SLC17A7: variants seen among roughly 807,000 people sequenced by gnomAD.
The protein encoded by SLC17A7 is vesicular glutamate transporter 1.
Under a neutral mutation model 59.1 loss-of-function variants are expected in SLC17A7, and 15 were observed. The ratio of observed to expected loss-of-function variants is 0.25; its 90% CI spans 0.17 to 0.39. SLC17A7 has a LOEUF of 0.39. SLC17A7 is among the 10% of genes least tolerant of loss of function. The probability of loss-of-function intolerance (pLI) is 1.00; values close to 1 mark genes in which losing one functional copy is unlikely to be tolerated. For missense variants in SLC17A7, 499 were observed against 765.1 expected (o/e 0.65, Z 4.10); for synonymous variants, 353 against 308.9 (o/e 1.14, Z -1.50).
intron 1 of SLC17A7, chr19:49,437,404 G>A (rs1031844779): frequency 4.5e-5 from 7 of 155,968 alleles, no homozygotes; most frequent in Admixed American, 3.7e-4. Context: ...CCCTGGTAGG[G>A]GGATTGGCTC....
At position 49,435,251 on chromosome 19, in the gene SLC17A7, G is replaced by C. The variant is rs2078975735; in HGVS notation, c.351C>G (p.Gly117=). ...CCCAGAAAAAGGAGCCGTGTATGAG[G>C]CCGACAGTCTCTGGATCCCAGCTGA... ...AQFSWDPETV[G]LIHGSFFWGY... is the part of the protein sequence containing the mutation. Residue 117 remains glycine (G), a synonymous_variant, in exon 3 of 12, where the codon GGC becomes GGG. Coordinates refer to ENST00000221485, the MANE Select transcript of SLC17A7 (RefSeq NM_020309.4). 1 of 1,614,022 alleles carries C rather than the reference G, an allele frequency of 6.2e-7. No homozygotes were observed. The highest frequency in any genetic ancestry group is 2.2e-5 in the East Asian group (1 of 44,872).
At position 49,432,642 on chromosome 19, in the gene SLC17A7, C is replaced by T. The variant is rs1206352140; in HGVS notation, c.1027G>A (p.Val343Met). ...ATGACCAGGTGGGGCAGCGCGGACA[C>T]CAGGCCTACCTGCGGGAACAGGTGT... The part of the protein sequence containing the change: ...FGFEISKVGL[V>M]SALPHLVMTI... Residue 343 changes from valine to methionine, a missense_variant, in exon 9 of 12, where the codon GTG becomes ATG. Physicochemically the swap from Val to Met is conservative, Grantham distance 21 (BLOSUM62 1). Transcript: ENST00000221485. The T allele has an allele frequency of 3.7e-6, 6 of 1,607,330 alleles. No homozygotes were observed. The highest frequency in any genetic ancestry group is 5.1e-6 in the Non-Finnish European group (6 of 1,178,518).
At position 49,436,717 on chromosome 19, in the gene SLC17A7, C is replaced by T. The variant is rs767678777; in HGVS notation, c.147G>A (p.Pro49=). ...GRPVTTQTRD[P]PVVDCTCFGL... ...CGAAGCAGGTGCAGTCCACCACCGG[C>T]GGGTCCCGGGTCTGCGTGGTCACCG... The change falls in exon 2 of 12, where the codon CCG becomes CCA. Residue 49 remains proline (P), a synonymous_variant. Transcript: ENST00000221485. The surrounding 1 kb of genome is among the most constrained non-coding windows in gnomAD (Gnocchi z 4.1). The T allele has an allele frequency of 5.6e-6, 9 of 1,612,336 alleles. No individual in the cohort carries two copies. The highest frequency in any genetic ancestry group is 6.8e-6 in the Non-Finnish European group (8 of 1,179,964).
Position 49,431,471 on chromosome 19 carries a change from C to T in SLC17A7, c.1151-23G>A, listed in dbSNP as rs1046210088. 2.5e-6 allele frequency: 4 copies of T among 1,602,820 alleles called. No individual in the cohort carries two copies. Among genetic ancestry groups the T allele is most frequent in the Non-Finnish European group, 3.4e-6 (4 of 1,171,414 alleles). ...AGCCTACGGGGGCGGGGGGGGCCCG[C>T]GTCTCCTGAGTGTCGGCCGGAGCAA... On this transcript the variant is annotated intron_variant, in intron 9 of 11. Transcript: ENST00000221485. The surrounding 1 kb of genome is among the most constrained non-coding windows in gnomAD (Gnocchi z 4.6).
At chr19:49,441,220 G>C in intron 1 of SLC17A7, 98 bp downstream of exon 1, 5 of 1,534,658 alleles carry the variant, frequency 3.3e-6, no homozygotes, top group South Asian at 1.2e-5. Flanking sequence ...CCCCCATGCC[G>C]GGGTATCGCC....
At position 49,433,717 on chromosome 19, in the gene SLC17A7, G is replaced by T; in HGVS notation, c.867+9C>A. On this transcript the variant is annotated intron_variant, in intron 7 of 11. Transcript: ENST00000221485. This position sits in a 1 kb window ranked among gnomAD's most constrained non-coding sequence, Gnocchi z 5.7. The stretch of plus-strand genomic sequence containing the variant: ...TCCCCGCCCCTTCCCCGAAGATTTG[G>T]TCCCGGACCGTGAGGGGGTTCATGA... 6.2e-7 allele frequency: 1 copy of T among 1,614,114 alleles called. No homozygotes were observed.
At chr19:49,434,165 T>A in intron 5 of SLC17A7, 119 bp from the exon 6 acceptor site, 1 of 689,496 alleles carries the variant, frequency 1.5e-6, no homozygotes, top group Non-Finnish European at 2.5e-6. Context: ...CCTCCTCCCT[T>A]AGACCCAGGA....
chr19:49,440,932 A>G (rs1003070232), intron 1 of SLC17A7, among the ~76,000 whole-genome samples: 3 of 151,780 alleles, frequency 2.0e-5, no homozygotes, highest in Non-Finnish European at 4.4e-5. Flanking sequence ...ATCTAGGGAG[A>G]AGGAGGGGCC....
chr19:49,431,532 C>T lies in SLC17A7; in HGVS notation c.1151-84G>A. 8.6e-7 allele frequency: 1 copy of T among 1,167,668 alleles called. No homozygotes were observed. The allele number at this position is 1,167,668 out of a possible 1,614,324, so 72.3% of individuals were successfully genotyped here. ...GCCCCACACCGCCCTTCCAGACCTG[C>T]TCCAGCCCCAAACCGCGTCTATCCA... On this transcript the variant is annotated intron_variant, in intron 9 of 11. Coordinates refer to ENST00000221485, the MANE Select transcript of SLC17A7 (RefSeq NM_020309.4). This position sits in a 1 kb window ranked among gnomAD's most constrained non-coding sequence, Gnocchi z 4.6.
At position 49,434,621 on chromosome 19, in the gene SLC17A7, C is replaced by T. The variant is rs772405095; in HGVS notation, c.618G>A (p.Leu206=). Residue 206 remains leucine (L), a synonymous_variant, in exon 5 of 12, where the codon CTG becomes CTA. Transcript: ENST00000221485. ...TCTCACCACAAAAGGCTGTCGTCGC[C>T]AGGCGACTCCGTTCTAAGGGTGGGG... ...KWAPPLERSR[L]ATTAFCGSYA... 1.7e-5 allele frequency: 28 copies of T among 1,602,148 alleles called. No individual in the cohort carries two copies. Among genetic ancestry groups the T allele is most frequent in the Middle Eastern group, 1.7e-4 (1 of 6,020 alleles).
In SLC17A7 at chr19:49,441,399, G is replaced by A. The variant is rs1310689889; in HGVS notation, c.-20C>T. 6.6e-6 allele frequency: 10 copies of A among 1,518,910 alleles called. No homozygotes were observed. In the African/African-American group the frequency reaches 1.1e-4, roughly 17 times the overall value. The allele number at this position is 1,518,910 out of a possible 1,614,324, so 94.1% of individuals were successfully genotyped here. Reference sequence around the variant, plus strand: ...CTCCATGGTGGCGGCTCCTGCCGCCGGTCACCCCGCGGGTCCCCCCCGCCG... The same window carrying A: ...CTCCATGGTGGCGGCTCCTGCCGCCAGTCACCCCGCGGGTCCCCCCCGCCG... On this transcript the variant is annotated 5_prime_UTR_variant, in exon 1 of 12. Transcript: ENST00000221485.
rs530117437 is a variant in SLC17A7, at chr19:49,431,997, G to A, written c.1150+522C>T. ...TCTAGAAACAAAGTCTCGCTCTGTC[G>A]CCCAGGCTGGAGTGCTGCGGCGCGA... On this transcript the variant is annotated intron_variant, in intron 9 of 11. Coordinates refer to ENST00000221485, the MANE Select transcript of SLC17A7 (RefSeq NM_020309.4). This position sits in a 1 kb window ranked among gnomAD's most constrained non-coding sequence, Gnocchi z 4.6. Among the ~76,000 whole-genome samples, 18 of 152,048 alleles carry A rather than the reference G, an allele frequency of 1.2e-4. No individual in the cohort carries two copies. The highest frequency in any genetic ancestry group is 5.9e-4 in the Admixed American group (9 of 15,268).
chr19:49,431,190 G>C lies in SLC17A7; in HGVS notation c.1262-48C>G. The stretch of plus-strand genomic sequence containing the variant: ...GGCGTCACACCGGAATCTCACTCGA[G>C]TGATTCCCACTGGGACGTTCTCAAC... On this transcript the variant is annotated intron_variant, in intron 10 of 11. Transcript: ENST00000221485. This position sits in a 1 kb window ranked among gnomAD's most constrained non-coding sequence, Gnocchi z 4.6. 1.3e-6 allele frequency: 2 copies of C among 1,590,196 alleles called. No individual in the cohort carries two copies. The highest frequency in any genetic ancestry group is 1.7e-6 in the Non-Finnish European group (2 of 1,165,624).
At position 49,436,316 on chromosome 19, in the gene SLC17A7, C is replaced by T. The variant is rs548663628; in HGVS notation, c.315+233G>A. 1.8e-3 allele frequency: 1,070 copies of T among 581,084 alleles called. 13 individuals carry two copies. The highest frequency in any genetic ancestry group is 6.6e-3 in the South Asian group (284 of 42,980). The allele number at this position is 581,084 out of a possible 1,614,324, so 36.0% of individuals were successfully genotyped here. On this transcript the variant is annotated intron_variant, in intron 2 of 11. Coordinates refer to ENST00000221485, the MANE Select transcript of SLC17A7 (RefSeq NM_020309.4). This position sits in a 1 kb window ranked among gnomAD's most constrained non-coding sequence, Gnocchi z 4.1. Reference sequence around the variant, plus strand: ...GCGGACTCTACATTTTTCAATCAAGCCCCTGGAAATAAGGGCGGGACTTCA... The same window carrying T: ...GCGGACTCTACATTTTTCAATCAAGTCCCTGGAAATAAGGGCGGGACTTCA...
At chr19:49,430,911 G>A (rs1031411970) in intron 11 of SLC17A7, 99 bp from the exon 12 acceptor site, 1 of 1,551,548 alleles carries the variant, frequency 6.4e-7, no homozygotes, top group Admixed American at 1.8e-5. Flanking sequence ...ACCCAGGGAG[G>A]CTGAAAAGGC....
intron 1 of SLC17A7, among the ~76,000 whole-genome samples, 189 bp downstream of exon 1, chr19:49,441,129 G>A (rs1390178184): frequency 1.3e-5 from 2 of 152,074 alleles, no homozygotes; most frequent in African/African-American, 4.8e-5. Context: ...TGCAGAAAAA[G>A]GAACAGGATA....
intron 2 of SLC17A7, chr19:49,435,676 T>C (rs1235509277): frequency 6.0e-6 from 1 of 167,916 alleles, no homozygotes; most frequent in African/African-American, 2.4e-5. Context: ...GCGGACCAGA[T>C]TGGAAGGGAG....
intron 1 of SLC17A7, chr19:49,437,104 T>G: frequency 2.1e-6 from 1 of 466,834 alleles, no homozygotes. Flanking sequence ...AGACAACCCT[T>G]TGGGATTCAA....
At chr19:49,432,759 T>A (rs2078965738) in intron 8 of SLC17A7, 52 bp downstream of exon 8, 2 of 1,591,674 alleles carry the variant, frequency 1.3e-6, no homozygotes, top group Non-Finnish European at 8.5e-7. Context: ...CGCCGCCAGT[T>A]CCCTCCCGCC....
Sources: allele counts gnomAD v4.1 joint callset (sites outside exome capture counted in the v4.1 genomes callset), GRCh38; gene constraint gnomAD v4.1.1; non-coding constraint Gnocchi (gnomAD v3.1); transcripts MANE v1.5; gene names NCBI Gene and HGNC (gene_info 2026-07-23, HGNC 2026-07-21).